Variants in KLF8 observed in about 807,000 individuals in gnomAD.
KLF8 encodes the protein Krueppel-like factor 8.
A neutral mutation model predicts 18.2 loss-of-function variants in KLF8; 10 were observed. The observed-to-expected ratio is 0.55, with a 90% CI of 0.34 to 0.93. KLF8 has a LOEUF of 0.93. Ranked by LOEUF, KLF8 falls within the 40% of genes least tolerant of loss-of-function variation. The pLI is 0.02. For missense variants in KLF8, 264 were observed against 277.9 expected (o/e 0.95, Z 0.36); for synonymous variants, 109 against 97.3 (o/e 1.12, Z -0.71).
the KLF8 span, among the ~76,000 whole-genome samples, chrX:56,164,697 T>A: frequency 4.0e-5 from 4 of 99,285 alleles, no homozygotes; most frequent in Non-Finnish European, 6.0e-5. Context: ...CTGCTCAGTA[T>A]ATTTCTTTTT....
At chrX:56,004,904 T>C in the KLF8 span, among the ~76,000 whole-genome samples, 1 of 111,180 alleles carries the variant, frequency 9.0e-6, no homozygotes, top group South Asian at 3.8e-4. Flanking sequence ...CCTGGAGATT[T>C]CCGTGGGAAT....
the KLF8 span, among the ~76,000 whole-genome samples, chrX:55,936,872 GCCGGGAAACTCGAA>G: frequency 8.9e-6 from 1 of 111,852 alleles, no homozygotes; most frequent in Non-Finnish European, 1.9e-5. Context: ...AAACAAAGCA[GCCGGGAAACTCGAA>G]CTGGGTGGAG....
chrX:56,069,020 T>C, the KLF8 span, among the ~76,000 whole-genome samples: 18 of 111,473 alleles, frequency 1.6e-4, no homozygotes, highest in African/African-American at 5.2e-4. Context: ...AGGTAACACC[T>C]ATTAGAGTTT....
chrX:56,174,556 TC>T, the KLF8 span, among the ~76,000 whole-genome samples: 3 of 111,806 alleles, frequency 2.7e-5, no homozygotes, highest in African/African-American at 9.8e-5. Context: ...TCTAAAATTC[TC>T]TTTTTTTGTT....
the KLF8 span, among the ~76,000 whole-genome samples, chrX:56,019,562 G>A: frequency 2.7e-5 from 3 of 112,429 alleles, no homozygotes; most frequent in Non-Finnish European, 3.8e-5. Context: ...CATCTCTGTG[G>A]CAGATTACTG....
chrX:56,265,260 C>G lies in KLF8; in HGVS notation c.162C>G (p.Ala54=). The part of the protein sequence containing the change: ...SNMTSPTLLD[A]NPMENPALFN... ...TGACTTCTCCAACACTCCTGGATGC[C>G]AACCCCATGGAGAACCCAGCACTGT... The change falls in exon 3 of 6, where the codon GCC becomes GCG. Residue 54 remains alanine (A), a synonymous_variant. Coordinates refer to ENST00000468660, the MANE Select transcript of KLF8 (RefSeq NM_007250.5). The G allele has an allele frequency of 8.3e-7, 1 of 1,208,716 alleles. No homozygotes were observed. Among genetic ancestry groups the G allele is most frequent in the South Asian group, 1.8e-5 (1 of 56,570 alleles).
chrX:56,225,578 T>A, the KLF8 span, among the ~76,000 whole-genome samples: 3 of 112,108 alleles, frequency 2.7e-5, no homozygotes, highest in African/African-American at 9.7e-5. Flanking sequence ...TAGGTGGAAA[T>A]ATCAAAGAGG....
At chrX:55,973,939 C>T in the KLF8 span, among the ~76,000 whole-genome samples, 2 of 111,711 alleles carry the variant, frequency 1.8e-5, no homozygotes, top group African/African-American at 6.5e-5. Flanking sequence ...AACCTAGATG[C>T]TCATCAACGG....
At chrX:56,131,478 T>A in the KLF8 span, among the ~76,000 whole-genome samples, 1 of 111,488 alleles carries the variant, frequency 9.0e-6, no homozygotes, top group Non-Finnish European at 1.9e-5. Context: ...GTACAAGAAC[T>A]GCTAAAAGGA....
the KLF8 span, among the ~76,000 whole-genome samples, chrX:55,963,327 C>T: frequency 9.0e-6 from 1 of 111,696 alleles, no homozygotes; most frequent in African/African-American, 3.3e-5. Flanking sequence ...TTGTCTCTGC[C>T]CAGTTGGACC....
chrX:56,193,548 G>A, the KLF8 span, among the ~76,000 whole-genome samples: 60 of 112,152 alleles, frequency 5.3e-4, no homozygotes, highest in African/African-American at 1.9e-3. Flanking sequence ...ATCAACAATA[G>A]CTGATACTTG....
chrX:56,179,924 T>G, the KLF8 span, among the ~76,000 whole-genome samples: 1 of 111,946 alleles, frequency 8.9e-6, no homozygotes, highest in Non-Finnish European at 1.9e-5. Flanking sequence ...GCATCAATGT[T>G]CCTCAGGGAT....
the KLF8 span, among the ~76,000 whole-genome samples, chrX:56,221,744 A>G: frequency 9.0e-6 from 1 of 111,657 alleles, no homozygotes; most frequent in East Asian, 2.8e-4. Flanking sequence ...CGAGTGTCAC[A>G]GCTCATAAAG....
the KLF8 span, among the ~76,000 whole-genome samples, chrX:55,923,705 CGTGTGTGTGTGTGTGTGTGTGT>C: frequency 2.0e-5 from 2 of 98,288 alleles, no homozygotes; most frequent in African/African-American, 3.9e-5. Context: ...TAAAGATCCA[CGTGTGTGTGTGTGTGTGTGTGT>C]GTGTGTGTGT....
chrX:55,938,245 C>G, the KLF8 span, among the ~76,000 whole-genome samples: 1 of 111,691 alleles, frequency 9.0e-6, no homozygotes, highest in Non-Finnish European at 1.9e-5. Flanking sequence ...AAAGAATTTT[C>G]AACCCAGAAT....
the KLF8 span, among the ~76,000 whole-genome samples, chrX:56,029,584 T>C: frequency 8.9e-6 from 1 of 111,878 alleles, no homozygotes; most frequent in Non-Finnish European, 1.9e-5. Flanking sequence ...CATGGGCTCC[T>C]TGGGGGCATT....
At chrX:56,202,559 T>TCTCCCCCCC in the KLF8 span, among the ~76,000 whole-genome samples, 1 of 75,804 alleles carries the variant, frequency 1.3e-5, no homozygotes, top group African/African-American at 4.8e-5. Context: ...CCATTAACCT[T>TCTCCCCCCC]CCCCCCCCCT....
At chrX:56,038,382 A>C in the KLF8 span, among the ~76,000 whole-genome samples, 1 of 111,301 alleles carries the variant, frequency 9.0e-6, no homozygotes, top group Non-Finnish European at 1.9e-5. Context: ...CCCACACATC[A>C]CCTTCTGACA....
At chrX:56,107,838 C>T in the KLF8 span, among the ~76,000 whole-genome samples, 177 of 111,773 alleles carry the variant, frequency 1.6e-3, no homozygotes, top group African/African-American at 5.3e-3. Flanking sequence ...CGAGCTGATC[C>T]TATTCGGCCA....
Sources: gnomAD v4.1 joint callset for allele counts (sites outside exome capture counted in the v4.1 genomes callset) on GRCh38, gnomAD v4.1.1 for gene constraint, MANE v1.5 for transcripts, NCBI Gene and HGNC (gene_info 2026-07-23, HGNC 2026-07-21) for gene names.